Variants in USP33 observed in about 807,000 individuals in gnomAD.
USP33 encodes ubiquitin carboxyl-terminal hydrolase 33.
USP33 carries 46 observed loss-of-function variants against 124.2 expected under a neutral mutation model. That is an observed-to-expected ratio of 0.37 (90% CI 0.29 to 0.47). USP33 has a LOEUF of 0.47. Ranked by LOEUF, USP33 falls within the 20% of genes least tolerant of loss-of-function variation. The pLI is 0.99. For missense variants in USP33, 851 were observed against 1,070.6 expected (o/e 0.79, Z 2.86); for synonymous variants, 350 against 352.3 (o/e 0.99, Z 0.07).
intron 1 of USP33, among the ~76,000 whole-genome samples, chr1:77,748,293 C>A (rs1221707757): frequency 6.6e-6 from 1 of 152,166 alleles, no homozygotes; most frequent in African/African-American, 2.4e-5. Flanking sequence ...ATCCCCAAGT[C>A]CCCATCAAGT....
chr1:77,708,132 G>C (rs567707825), intron 21 of USP33, among the ~76,000 whole-genome samples: 2 of 152,182 alleles, frequency 1.3e-5, no homozygotes, highest in Non-Finnish European at 2.9e-5. Flanking sequence ...TATGGGTGCT[G>C]AGTTGACAAA....
chr1:77,728,492 T>C lies in USP33; in HGVS notation c.938A>G (p.Asn313Ser), dbSNP rs1244754477. The change falls in exon 10 of 24, where the codon AAT (asparagine) becomes AGT (serine). Residue 313 changes from asparagine to serine, a missense_variant. Physicochemically the swap from Asn to Ser is conservative, Grantham distance 46. Transcript: ENST00000370794. ...NGSRCFSEDN[N>S]ETTMLIQDDE... The stretch of plus-strand genomic sequence containing the variant: ...ATCCTGAATTAACATTGTTGTTTCA[T>C]TATTATCTTCAGAAAAGCATCTAGA... The C allele has an allele frequency of 3.1e-6, 5 of 1,614,018 alleles. No homozygotes were observed. The highest frequency in any genetic ancestry group is 4.2e-6 in the Non-Finnish European group (5 of 1,180,022).
intron 22 of USP33, among the ~76,000 whole-genome samples, chr1:77,699,555 A>G (rs1673776541): frequency 6.6e-6 from 1 of 152,190 alleles, no homozygotes; most frequent in Non-Finnish European, 1.5e-5. Flanking sequence ...GATGCTGGCG[A>G]GGCTGTGGAG....
intron 17 of USP33, among the ~76,000 whole-genome samples, chr1:77,716,622 G>T (rs1449060931): frequency 6.6e-6 from 1 of 152,074 alleles, no homozygotes. Flanking sequence ...TTAAGAACCC[G>T]GTAAATCAAA....
chr1:77,744,257 A>C (rs1173417255), intron 1 of USP33, among the ~76,000 whole-genome samples: 2 of 152,218 alleles, frequency 1.3e-5, no homozygotes, highest in Non-Finnish European at 2.9e-5. Context: ...AAATCACAAT[A>C]ACTGGCATCT....
intron 1 of USP33, chr1:77,759,400 C>T: frequency 2.5e-6 from 1 of 392,836 alleles, no homozygotes; most frequent in Non-Finnish European, 4.5e-6. Flanking sequence ...CTCAAATCAA[C>T]GACCGGTTCC....
At chr1:77,722,633 A>G (rs1676698141) in intron 12 of USP33, among the ~76,000 whole-genome samples, 1 of 152,238 alleles carries the variant, frequency 6.6e-6, no homozygotes, top group Non-Finnish European at 1.5e-5. Flanking sequence ...AACATGCCTG[A>G]TAATTCCACT....
At chr1:77,720,485 CTGTCA>C in intron 15 of USP33, 2 of 985,432 alleles carry the variant, frequency 2.0e-6, no homozygotes, top group Non-Finnish European at 2.4e-6. Flanking sequence ...CCATTCCTTT[CTGTCA>C]TGTCATGATC....
In USP33 at chr1:77,729,875, C is replaced by T. The variant is rs1416799214; in HGVS notation, c.702G>A (p.Arg234=). ...ATAAACTAACCTGCTGAGAATACCC[C>T]CGAAATGTTGGATTTACAGTTTTAA... is the stretch of plus-strand genomic sequence containing the variant. ...QGIKTVNPTF[R]GYSQQDAQEF... is the part of the protein sequence containing the mutation. Residue 234 remains arginine, a synonymous_variant, in exon 9 of 24, where the codon CGG becomes CGA. Coordinates refer to ENST00000370794, the MANE Select transcript of USP33 (RefSeq NM_201624.3). 3 of 1,613,684 alleles carry T rather than the reference C, an allele frequency of 1.9e-6. No individual in the cohort carries two copies. In the South Asian group the frequency reaches 3.3e-5, roughly 18 times the overall value.
At chr1:77,759,618 C>T (rs1570893123) in intron 1 of USP33, 25 bp downstream of exon 1, 2 of 398,458 alleles carry the variant, frequency 5.0e-6, no homozygotes, top group Non-Finnish European at 8.9e-6. Flanking sequence ...GGGCCCCGCG[C>T]CCCTCCCAGC....
intron 1 of USP33, among the ~76,000 whole-genome samples, chr1:77,753,143 T>C (rs1280382399): frequency 2.0e-5 from 3 of 152,154 alleles, no homozygotes; most frequent in Non-Finnish European, 4.4e-5. Context: ...ATGATGGATG[T>C]GATATTCGAC....
chr1:77,743,362 T>C (rs1167692234), intron 1 of USP33, among the ~76,000 whole-genome samples: 2 of 152,220 alleles, frequency 1.3e-5, no homozygotes, highest in African/African-American at 4.8e-5. Flanking sequence ...TGCAGGTTTG[T>C]GTAAATACAT....
intron 21 of USP33, among the ~76,000 whole-genome samples, chr1:77,710,296 T>C (rs1163669096): frequency 6.6e-6 from 1 of 152,220 alleles, no homozygotes; most frequent in Non-Finnish European, 1.5e-5. Flanking sequence ...TGTGGTACCC[T>C]ATTCCACTTT....
chr1:77,738,542 A>C (rs145265307), intron 5 of USP33, among the ~76,000 whole-genome samples: 4 of 151,636 alleles, frequency 2.6e-5, no homozygotes, highest in Non-Finnish European at 1.5e-5. Context: ...GTGCAGTGGC[A>C]AGGTCTCGGC....
At chr1:77,737,216 A>G (rs1353225551) in intron 5 of USP33, among the ~76,000 whole-genome samples, 1 of 152,160 alleles carries the variant, frequency 6.6e-6, no homozygotes, top group Non-Finnish European at 1.5e-5. Flanking sequence ...TTTAGCATGT[A>G]CTCTGGTTCT....
chr1:77,753,883 G>T (rs954943441), intron 1 of USP33, among the ~76,000 whole-genome samples: 3 of 151,258 alleles, frequency 2.0e-5, no homozygotes, highest in African/African-American at 4.8e-5. Flanking sequence ...TTAGAAGAGG[G>T]TGATATAGTA....
chr1:77,741,214 A>C (rs1340495627), intron 3 of USP33, among the ~76,000 whole-genome samples, 162 bp downstream of exon 3: 2 of 152,198 alleles, frequency 1.3e-5, no homozygotes, highest in Non-Finnish European at 2.9e-5. Context: ...CTACAGATTA[A>C]GATCTTTCCA....
At position 77,717,880 on chromosome 1, in the gene USP33, A is replaced by G. The variant is rs767777448; in HGVS notation, c.1905T>C (p.His635=). 1.2e-6 allele frequency: 2 copies of G among 1,609,248 alleles called. No individual in the cohort carries two copies. The highest frequency in any genetic ancestry group is 1.7e-5 in the Admixed American group (1 of 58,940). The change falls in exon 17 of 24, where the codon CAT becomes CAC. Residue 635 remains histidine, a synonymous_variant. Transcript: ENST00000370794. ...TYDLLSVICH[H]GTASSGHYIA... is the part of the protein sequence containing the mutation. ...CTATATACTTACTACTTGCAGTTCC[A>G]TGATGGCAAATGACTGACAGAAGAT...
chr1:77,711,989 T>C, intron 20 of USP33, 134 bp from the exon 21 acceptor site: 1 of 835,304 alleles, frequency 1.2e-6, no homozygotes, highest in South Asian at 1.9e-5. Flanking sequence ...AAAAATCATA[T>C]AAGGACTTGT....
Sources: gnomAD v4.1 joint callset for allele counts (sites outside exome capture counted in the v4.1 genomes callset) on GRCh38, gnomAD v4.1.1 for gene constraint, MANE v1.5 for transcripts, NCBI Gene and HGNC (gene_info 2026-07-23, HGNC 2026-07-21) for gene names.